Variants in LINGO2 observed in about 807,000 individuals in gnomAD.
LINGO2 encodes the protein leucine rich repeat and Ig domain containing 2, also known as leucine-rich repeat and immunoglobulin-like domain-containing nogo receptor-interacting protein 2.
In LINGO2, 14 loss-of-function variants were observed where a neutral mutation model predicts 30.6. That is an observed-to-expected ratio of 0.46 (90% CI 0.30 to 0.72). The LOEUF is 0.72. LINGO2 is among the 30% of genes least tolerant of loss of function. The pLI, the probability that LINGO2 is intolerant of heterozygous loss-of-function variation, is 0.07. For synonymous variants in LINGO2, 317 were observed against 288.5 expected (o/e 1.10, Z -1.00); for missense variants, 729 against 751.7 (o/e 0.97, Z 0.35).
At chr9:28,280,747 TAG>T (rs1823292637) in intron 4 of LINGO2, among the ~76,000 whole-genome samples, 1 of 152,112 alleles carries the variant, frequency 6.6e-6, no homozygotes, top group Non-Finnish European at 1.5e-5. Context: ...GATAGTGCCA[TAG>T]ACTGAATAAG....
the LINGO2 span, among the ~76,000 whole-genome samples, chr9:29,178,085 C>T: frequency 2.1e-4 from 32 of 150,814 alleles, no homozygotes; most frequent in South Asian, 4.4e-3. Context: ...GGTGGAGTTT[C>T]ACTCTTGTTG....
the LINGO2 span, among the ~76,000 whole-genome samples, chr9:29,009,137 C>T: frequency 6.6e-6 from 1 of 152,030 alleles, no homozygotes; most frequent in Non-Finnish European, 1.5e-5. Context: ...ACAGGGATGC[C>T]CTCTCTCACC....
chr9:28,994,118 C>G, the LINGO2 span, among the ~76,000 whole-genome samples: 885 of 151,892 alleles, frequency 5.8e-3, 8 homozygotes, highest in African/African-American at 0.021. Flanking sequence ...TCTAGAAAAC[C>G]CCATTGTCTC....
chr9:28,362,112 G>T (rs1362132235), intron 3 of LINGO2, among the ~76,000 whole-genome samples: 1 of 152,320 alleles, frequency 6.6e-6, no homozygotes. Context: ...TCTAAAGCTG[G>T]ACGTGGAAAT....
the LINGO2 span, among the ~76,000 whole-genome samples, chr9:28,959,804 T>C: frequency 0.023 from 3,522 of 152,206 alleles, 113 homozygotes; most frequent in African/African-American, 0.079. Context: ...CATCTAGACA[T>C]AGTGAAACAT....
intron 3 of LINGO2, among the ~76,000 whole-genome samples, chr9:28,371,636 TG>T (rs763514503): frequency 9.9e-5 from 15 of 152,184 alleles, no homozygotes; most frequent in Non-Finnish European, 1.9e-4. Context: ...ACCTTGTCAC[TG>T]CAGGGCTACG....
At chr9:29,194,260 G>A in the LINGO2 span, among the ~76,000 whole-genome samples, 1 of 152,104 alleles carries the variant, frequency 6.6e-6, no homozygotes, top group African/African-American at 2.4e-5. Context: ...AGCACCCCCC[G>A]GAGCCCATGT....
chr9:29,162,595 G>A, the LINGO2 span, among the ~76,000 whole-genome samples: 2 of 152,102 alleles, frequency 1.3e-5, no homozygotes, highest in African/African-American at 2.4e-5. Context: ...ATATGAAAGG[G>A]ACATTTGGAC....
the LINGO2 span, among the ~76,000 whole-genome samples, chr9:29,019,317 A>G: frequency 1.2e-4 from 19 of 152,296 alleles, no homozygotes; most frequent in African/African-American, 4.6e-4. Flanking sequence ...TCTTCAGGGC[A>G]TGCAGCCACA....
At chr9:28,243,317 G>T (rs565437888) in intron 4 of LINGO2, among the ~76,000 whole-genome samples, 1 of 151,804 alleles carries the variant, frequency 6.6e-6, no homozygotes, top group African/African-American at 2.4e-5. Context: ...AAAATTAACC[G>T]GGTGTGGTGG....
intron 1 of LINGO2, among the ~76,000 whole-genome samples, chr9:28,626,390 AT>A (rs961041770): frequency 6.6e-6 from 1 of 152,166 alleles, no homozygotes; most frequent in South Asian, 2.1e-4. Flanking sequence ...AAGGAAAAAA[AT>A]GTTTACTTTT....
At chr9:29,044,992 T>C in the LINGO2 span, among the ~76,000 whole-genome samples, 1 of 152,134 alleles carries the variant, frequency 6.6e-6, no homozygotes, top group African/African-American at 2.4e-5. Flanking sequence ...AATATCTTAT[T>C]GTACTATATT....
At chr9:29,165,553 A>G in the LINGO2 span, among the ~76,000 whole-genome samples, 2 of 151,964 alleles carry the variant, frequency 1.3e-5, no homozygotes, top group African/African-American at 2.4e-5. Context: ...GATAAGCTAT[A>G]ATTGATTTTC....
rs1821610089 is a variant in LINGO2 at position 28,540,089 on chromosome 9, A to G, written c.-364-64064T>C. 1.3e-5 allele frequency among the ~76,000 whole-genome samples: 2 copies of G among 152,132 alleles called. 1 individual carries two copies. The highest frequency in any genetic ancestry group is 4.1e-4 in the South Asian group (2 of 4,826). The stretch of plus-strand genomic sequence containing the variant: ...AGATAGGAAGTCTAAAAGACATCGC[A>G]CAACTCTGAAAAAACAGTTTGATAA... On this transcript the variant is annotated intron_variant, in intron 1 of 5. Transcript: ENST00000379992.
chr9:29,011,150 A>G, the LINGO2 span, among the ~76,000 whole-genome samples: 3,444 of 152,266 alleles, frequency 0.023, 138 homozygotes, highest in African/African-American at 0.079. Context: ...TGTTTTTCAT[A>G]CATATTCATG....
At chr9:28,511,601 G>A (rs575628785) in intron 1 of LINGO2, among the ~76,000 whole-genome samples, 15 of 152,304 alleles carry the variant, frequency 9.8e-5, no homozygotes, top group Non-Finnish European at 2.1e-4. Context: ...GAGGTCACCC[G>A]TTGGTGAGCA....
chr9:29,161,628 G>C, the LINGO2 span, among the ~76,000 whole-genome samples: 1 of 152,214 alleles, frequency 6.6e-6, no homozygotes, highest in Admixed American at 6.5e-5. Flanking sequence ...ATAGGTAGGA[G>C]GTAGAGCCTG....
intron 3 of LINGO2, among the ~76,000 whole-genome samples, chr9:28,354,717 A>G (rs1392595000): frequency 6.6e-6 from 1 of 152,198 alleles, no homozygotes; most frequent in East Asian, 1.9e-4. Context: ...CACATTTTAA[A>G]ACATTTTTAT....
chr9:28,153,541 A>G (rs1273293898), intron 4 of LINGO2, among the ~76,000 whole-genome samples: 3 of 152,224 alleles, frequency 2.0e-5, no homozygotes, highest in Non-Finnish European at 2.9e-5. Flanking sequence ...AAATTTTAAA[A>G]TAGAATGCAA....
Sources: gnomAD v4.1 joint callset for allele counts (sites outside exome capture counted in the v4.1 genomes callset) on GRCh38, gnomAD v4.1.1 for gene constraint, MANE v1.5 for transcripts, NCBI Gene and HGNC (gene_info 2026-07-23, HGNC 2026-07-21) for gene names.